The following RBFOX1 variants were observed in gnomAD, a reference collection of about 807,000 sequenced individuals.
The protein encoded by RBFOX1 is RNA binding protein fox-1 homolog 1.
RBFOX1 carries 8 observed loss-of-function variants against 57.7 expected under a neutral mutation model. The observed-to-expected ratio is 0.14, with a 90% CI of 0.08 to 0.25. RBFOX1 has a LOEUF of 0.25. RBFOX1 is among the 10% of genes least tolerant of loss of function. The probability of loss-of-function intolerance (pLI) is 1.00; values close to 1 mark genes in which losing one functional copy is unlikely to be tolerated. For missense variants in RBFOX1, 611 were observed against 548.5 expected (o/e 1.11, Z -1.14); for synonymous variants, 326 against 222.4 (o/e 1.47, Z -4.15).
At chr16:6,244,223 A>G (rs773618325) in intron 1 of RBFOX1, among the ~76,000 whole-genome samples, 18 of 151,544 alleles carry the variant, frequency 1.2e-4, no homozygotes, top group Non-Finnish European at 1.6e-4. Context: ...AGATTTGGTT[A>G]TATCCCTCCT....
chr16:5,530,933 T>TAAAAAAAAAAAAAAAAAAAAAAAAA, intron 2 of RBFOX1, among the ~76,000 whole-genome samples: 1 of 55,048 alleles, frequency 1.8e-5, no homozygotes, highest in South Asian at 9.7e-4. Context: ...ACTAAAAATA[T>TAAAAAAAAAAAAAAAAAAAAAAAAA]AAAAAAAAAA....
chr16:6,676,309 A>C (rs1185021121), intron 3 of RBFOX1, among the ~76,000 whole-genome samples: 1 of 152,110 alleles, frequency 6.6e-6, no homozygotes, highest in Non-Finnish European at 1.5e-5. Context: ...GATAGGGAAT[A>C]GAGTACTATC....
chr16:6,655,750 G>A (rs181965900), intron 3 of RBFOX1, among the ~76,000 whole-genome samples: 14 of 152,128 alleles, frequency 9.2e-5, no homozygotes, highest in African/African-American at 3.1e-4. Context: ...TTTTGACATC[G>A]TTCCACAAGT....
intron 4 of RBFOX1, among the ~76,000 whole-genome samples, chr16:7,133,127 G>A (rs1216530686): frequency 6.6e-6 from 1 of 152,114 alleles, no homozygotes; most frequent in Non-Finnish European, 1.5e-5. Context: ...AAAAATGCAG[G>A]TTTTAATACC....
chr16:7,419,123 G>T (rs1052933923), intron 4 of RBFOX1, among the ~76,000 whole-genome samples: 4 of 152,068 alleles, frequency 2.6e-5, no homozygotes, highest in Non-Finnish European at 4.4e-5. Context: ...TCCCAGGCTG[G>T]TCTGGAACTC....
Position 7,704,906 on chromosome 16 carries a change from G to T in RBFOX1, c.996-4150G>T, listed in dbSNP as rs536903728. ...TCTACAAAATGCAAAATTTAGCCAC[G>T]TATGGTGATGGGCGCCTGTAATCCC... is the stretch of plus-strand genomic sequence containing the variant. On this transcript the variant is annotated intron_variant, in intron 14 of 15. Transcript: ENST00000550418. 2.0e-5 allele frequency among the ~76,000 whole-genome samples: 3 copies of T among 152,188 alleles called. No individual in the cohort carries two copies. The South Asian group carries it at 6.2e-4, about 32-fold the overall frequency.
At chr16:6,487,312 A>T (rs897636157) in intron 2 of RBFOX1, among the ~76,000 whole-genome samples, 2 of 151,908 alleles carry the variant, frequency 1.3e-5, no homozygotes, top group East Asian at 3.9e-4. Context: ...TATGCTTCCA[A>T]TTTTTCCTGC....
intron 4 of RBFOX1, among the ~76,000 whole-genome samples, chr16:7,460,653 A>G (rs2059416448): frequency 6.6e-6 from 1 of 151,742 alleles, no homozygotes; most frequent in African/African-American, 2.4e-5. Context: ...TAATCTGCAC[A>G]ACAAACCACC....
At chr16:6,285,915 T>C (rs1427049383) in intron 1 of RBFOX1, among the ~76,000 whole-genome samples, 1 of 152,206 alleles carries the variant, frequency 6.6e-6, no homozygotes, top group Admixed American at 6.5e-5. Context: ...GTCACATAAT[T>C]AAATAAATTG....
intron 1 of RBFOX1, among the ~76,000 whole-genome samples, chr16:6,024,200 C>T (rs1484396656): frequency 6.6e-6 from 1 of 152,082 alleles, no homozygotes; most frequent in Non-Finnish European, 1.5e-5. Context: ...GTGGCTAATG[C>T]AAGAAATATT....
chr16:5,452,719 C>G (rs539090820), intron 1 of RBFOX1, among the ~76,000 whole-genome samples: 1 of 152,056 alleles, frequency 6.6e-6, no homozygotes, highest in African/African-American at 2.4e-5. Context: ...TCCTGGCTCA[C>G]TGCAACCTCC....
At chr16:5,727,729 C>G (rs1351602988) in intron 3 of RBFOX1, among the ~76,000 whole-genome samples, 1 of 152,162 alleles carries the variant, frequency 6.6e-6, no homozygotes, top group Non-Finnish European at 1.5e-5. Context: ...TACCTTGTCA[C>G]CCAGGTTGAG....
intron 5 of RBFOX1, among the ~76,000 whole-genome samples, chr16:7,522,921 T>C (rs1318627734): frequency 6.6e-6 from 1 of 152,200 alleles, no homozygotes; most frequent in African/African-American, 2.4e-5. Context: ...GCACAACCAT[T>C]ACTGCTATCC....
At chr16:6,586,574 CA>C (rs1213626045) in intron 2 of RBFOX1, among the ~76,000 whole-genome samples, 3 of 152,168 alleles carry the variant, frequency 2.0e-5, no homozygotes, top group African/African-American at 7.2e-5. Context: ...AAAGCTGAAT[CA>C]AGATGATCAG....
intron 4 of RBFOX1, among the ~76,000 whole-genome samples, chr16:7,135,950 A>G (rs1413904136): frequency 1.3e-5 from 2 of 152,234 alleles, no homozygotes; most frequent in Non-Finnish European, 2.9e-5. Context: ...TCATCGGAAA[A>G]TAAAGATCCA....
intron 2 of RBFOX1, among the ~76,000 whole-genome samples, chr16:6,567,515 C>G (rs1638904119): frequency 6.6e-6 from 1 of 152,154 alleles, no homozygotes; most frequent in Non-Finnish European, 1.5e-5. Flanking sequence ...CACCCTGGTT[C>G]TCTGCTCTGT....
chr16:6,891,874 C>T (rs1424162489), intron 3 of RBFOX1, among the ~76,000 whole-genome samples: 1 of 152,184 alleles, frequency 6.6e-6, no homozygotes, highest in African/African-American at 2.4e-5. Flanking sequence ...AAGGCCAGCA[C>T]TGCTTTTAAA....
intron 3 of RBFOX1, among the ~76,000 whole-genome samples, chr16:7,001,268 A>G (rs1004948025): frequency 6.6e-6 from 1 of 152,002 alleles, no homozygotes; most frequent in Non-Finnish European, 1.5e-5. Flanking sequence ...GTTCAGATGG[A>G]TGGAGAGATT....
chr16:7,003,611 C>G (rs892640945), intron 3 of RBFOX1, among the ~76,000 whole-genome samples: 2 of 152,128 alleles, frequency 1.3e-5, no homozygotes, highest in Non-Finnish European at 2.9e-5. Flanking sequence ...AAAAACTAAC[C>G]TCTTCCAGGA....
Sources: gnomAD v4.1 joint callset for allele counts (sites outside exome capture counted in the v4.1 genomes callset) on GRCh38, gnomAD v4.1.1 for gene constraint, MANE v1.5 for transcripts, NCBI Gene and HGNC (gene_info 2026-07-23, HGNC 2026-07-21) for gene names.